The following SNTG2 variants were observed in gnomAD, a reference collection of about 807,000 sequenced individuals.
SNTG2 encodes the protein syntrophin gamma 2.
A neutral mutation model predicts 70.9 loss-of-function variants in SNTG2; 74 were observed. The observed-to-expected ratio is 1.04, with a 90% confidence interval of 0.86 to 1.27. The LOEUF is 1.27. Among genes scored for constraint, SNTG2 ranks in the 50% most tolerant of loss-of-function variants. The pLI is 0.00. For synonymous variants in SNTG2, 278 were observed against 273.8 expected, an observed-to-expected ratio of 1.02 and a Z score of -0.15; for missense variants, 717 against 690.7, an observed-to-expected ratio of 1.04 and a Z score of -0.43.
intron 16 of SNTG2, among the ~76,000 whole-genome samples, chr2:1,350,622 G>A (rs779640583): frequency 1.4e-4 from 22 of 152,276 alleles, no homozygotes; most frequent in Non-Finnish European, 3.1e-4. Flanking sequence ...TTGAGTGAAG[G>A]CTGAGGTTTT....
At chr2:1,015,168 C>T (rs993507265) in intron 1 of SNTG2, among the ~76,000 whole-genome samples, 4 of 152,090 alleles carry the variant, frequency 2.6e-5, no homozygotes, top group African/African-American at 9.7e-5. Context: ...CCTGGTCCCG[C>T]AGGCTTGTCC....
intron 16 of SNTG2, among the ~76,000 whole-genome samples, chr2:1,323,002 A>G (rs1236726575): frequency 1.3e-5 from 2 of 152,036 alleles, no homozygotes; most frequent in African/African-American, 4.8e-5. Context: ...TACTTTTCTC[A>G]ATAACCCTGT....
intron 1 of SNTG2, among the ~76,000 whole-genome samples, chr2:1,016,685 TTAGCA>T (rs1259354892): frequency 3.9e-5 from 6 of 152,238 alleles, no homozygotes; most frequent in African/African-American, 1.4e-4. Flanking sequence ...ATATACATAT[TTAGCA>T]GGTGGGAGAT....
intron 4 of SNTG2, among the ~76,000 whole-genome samples, chr2:1,105,593 C>T (rs753335943): frequency 6.6e-6 from 1 of 152,132 alleles, no homozygotes; most frequent in Non-Finnish European, 1.5e-5. Flanking sequence ...GATTTGACAC[C>T]GTTCTATACA....
At chr2:1,249,727 C>A (rs1677645743) in intron 12 of SNTG2, among the ~76,000 whole-genome samples, 2 of 152,204 alleles carry the variant, frequency 1.3e-5, no homozygotes, top group Non-Finnish European at 2.9e-5. Context: ...TGAAATAATT[C>A]TTTTAAAGAA....
At chr2:1,190,602 C>CAT (rs1252934733) in intron 8 of SNTG2, among the ~76,000 whole-genome samples, 2 of 140,844 alleles carry the variant, frequency 1.4e-5, no homozygotes, top group Admixed American at 7.1e-5. Flanking sequence ...AATACTTAAC[C>CAT]ATATATATAT....
intron 14 of SNTG2, among the ~76,000 whole-genome samples, chr2:1,307,490 AAGAG>A (rs942357262): frequency 1.3e-5 from 2 of 150,334 alleles, no homozygotes; most frequent in Non-Finnish European, 3.0e-5. Flanking sequence ...GAAGGAGGGA[AAGAG>A]AGAGAGTGTA....
At chr2:1,089,643 A>G (rs939062742) in intron 2 of SNTG2, among the ~76,000 whole-genome samples, 2 of 152,026 alleles carry the variant, frequency 1.3e-5, no homozygotes, top group African/African-American at 4.8e-5. Context: ...TCAAAATAAT[A>G]ATAATAATAG....
intron 1 of SNTG2, among the ~76,000 whole-genome samples, chr2:1,038,376 T>C: frequency 6.6e-6 from 1 of 152,170 alleles, no homozygotes; most frequent in East Asian, 1.9e-4. Context: ...CACAGCTAAT[T>C]GTAGGGGAAA....
intron 6 of SNTG2, chr2:1,160,864 C>T (rs1221354506): frequency 6.6e-6 from 1 of 152,300 alleles, no homozygotes; most frequent in Admixed American, 6.5e-5. Flanking sequence ...CTCTGGAATT[C>T]CGAGGAAGGA....
chr2:1,236,274 A>C (rs1676650183), intron 9 of SNTG2, among the ~76,000 whole-genome samples: 1 of 152,266 alleles, frequency 6.6e-6, no homozygotes, highest in South Asian at 2.1e-4. Context: ...CAATCTGCCT[A>C]AAATAGTCTC....
rs1210261120 is a variant in SNTG2 at position 1,014,542 on chromosome 2, A to G, written c.72+63474A>G. On this transcript the variant is annotated intron_variant, in intron 1 of 16. Transcript: ENST00000308624. ...AGAAAGAAGGGTGGTCTGGAGAAGG[A>G]TTTATATGGGCAGAGAGAAGGGTGG... Among the ~76,000 whole-genome samples the G allele has an allele frequency of 3.6e-5, 3 of 84,328 alleles. 1 individual carries two copies. The highest frequency in any genetic ancestry group is 8.4e-5 in the African/African-American group (2 of 23,862). The allele number at this position is 84,328 out of a possible 152,430, so 55.3% of individuals were successfully genotyped here.
Position 1,307,016 on chromosome 2 carries a change from G to T in SNTG2, c.1285-1478G>T, listed in dbSNP as rs578226940. 2.6e-5 allele frequency among the ~76,000 whole-genome samples: 4 copies of T among 151,402 alleles called. No homozygotes were observed. The East Asian group carries it at 5.9e-4, about 22-fold the overall frequency. On this transcript the variant is annotated intron_variant, in intron 14 of 16. Coordinates refer to ENST00000308624, the MANE Select transcript of SNTG2 (RefSeq NM_018968.4). ...GAGAGTCATGCACTGTGTGTGTCTGGTGTGTGTCATGTGCTGTGTGTGTGT... is the reference window on the plus strand; with the variant it reads ...GAGAGTCATGCACTGTGTGTGTCTGTTGTGTGTCATGTGCTGTGTGTGTGT...
intron 16 of SNTG2, among the ~76,000 whole-genome samples, chr2:1,326,711 T>C (rs1681776923): frequency 6.6e-6 from 1 of 152,180 alleles, no homozygotes. Context: ...CACCTTTGCA[T>C]TGGCATATTA....
At chr2:1,272,752 AGCGGGT>A (rs1679102352) in intron 14 of SNTG2, among the ~76,000 whole-genome samples, 2 of 147,074 alleles carry the variant, frequency 1.4e-5, no homozygotes, top group Admixed American at 1.3e-4. Flanking sequence ...CACCCCAGGG[AGCGGGT>A]GCAGAAAGGA....
intron 1 of SNTG2, among the ~76,000 whole-genome samples, chr2:1,031,280 C>T (rs140797551): frequency 4.5e-4 from 68 of 151,920 alleles, no homozygotes; most frequent in African/African-American, 1.5e-3. Context: ...ACAGGTCTGT[C>T]GCTGGTCTGT....
intron 9 of SNTG2, among the ~76,000 whole-genome samples, chr2:1,218,621 T>A (rs554225015): frequency 6.6e-6 from 1 of 152,356 alleles, no homozygotes; most frequent in East Asian, 1.9e-4. Flanking sequence ...TGTCTGTGCT[T>A]GAAAAGTATC....
chr2:963,653 A>G (rs775011725), intron 1 of SNTG2, among the ~76,000 whole-genome samples: 31 of 152,090 alleles, frequency 2.0e-4, no homozygotes, highest in Non-Finnish European at 2.1e-4. Context: ...TGGGCCTTTC[A>G]TTTTTCTTTT....
At chr2:974,925 ATC>A (rs575360149) in intron 1 of SNTG2, among the ~76,000 whole-genome samples, 1 of 152,112 alleles carries the variant, frequency 6.6e-6, no homozygotes, top group Non-Finnish European at 1.5e-5. Context: ...AAAAAATAAA[ATC>A]TCATCTATCC....
Sources: gnomAD v4.1 joint callset for allele counts (sites outside exome capture counted in the v4.1 genomes callset) on GRCh38, gnomAD v4.1.1 for gene constraint, MANE v1.5 for transcripts, NCBI Gene and HGNC (gene_info 2026-07-23, HGNC 2026-07-21) for gene names.